GPM6B: variants seen among roughly 807,000 people sequenced by gnomAD.
GPM6B encodes neuronal membrane glycoprotein M6-b.
A neutral mutation model predicts 27.2 loss-of-function variants in GPM6B; 4 were observed. That is an observed-to-expected ratio of 0.15 (90% confidence interval 0.07 to 0.34). The LOEUF (loss-of-function observed/expected upper bound fraction) is 0.34. Among genes scored for constraint, GPM6B ranks in the 10% least tolerant of loss-of-function variants. The pLI, the probability that GPM6B is intolerant of heterozygous loss-of-function variation, is 1.00. For missense variants in GPM6B, 183 were observed against 261.9 expected (o/e 0.70, Z 2.08); for synonymous variants, 124 against 103.1 (o/e 1.20, Z -1.23).
chrX:13,837,897 CCT>C (rs1429926143), intron 1 of GPM6B, among the ~76,000 whole-genome samples: 1 of 110,538 alleles, frequency 9.0e-6, no homozygotes, highest in Non-Finnish European at 1.9e-5. Flanking sequence ...TAATAAACAT[CCT>C]CTCTCTCGTC....
chrX:13,819,890 T>TGGGTA (rs1454170179), upstream of GPM6B, among the ~76,000 whole-genome samples: 5 of 111,362 alleles, frequency 4.5e-5, no homozygotes, highest in East Asian at 8.5e-4. Flanking sequence ...AGAAACCTGC[T>TGGGTA]GGGTAGGGTA....
At chrX:13,807,018 A>C (rs1178207866) in intron 2 of GPM6B, among the ~76,000 whole-genome samples, 1 of 111,617 alleles carries the variant, frequency 9.0e-6, no homozygotes, top group African/African-American at 3.3e-5. Flanking sequence ...GCTGTCGCAC[A>C]CCTCACCCAG....
intron 1 of GPM6B, among the ~76,000 whole-genome samples, chrX:13,833,103 T>C (rs2049456406): frequency 1.8e-5 from 2 of 110,754 alleles, no homozygotes; most frequent in African/African-American, 3.3e-5. Context: ...CTTTGTGAGC[T>C]GTCTGACATT....
intron 1 of GPM6B, among the ~76,000 whole-genome samples, chrX:13,877,824 C>CCAAA (rs1555925604): frequency 3.6e-5 from 1 of 27,466 alleles, no homozygotes; most frequent in East Asian, 1.7e-3. Flanking sequence ...CAGACTCTGC[C>CCAAA]AAAAAAAAAA....
chrX:13,822,515 G>A (rs1247145668), intron 1 of GPM6B, among the ~76,000 whole-genome samples: 1 of 110,181 alleles, frequency 9.1e-6, no homozygotes, highest in Non-Finnish European at 1.9e-5. Flanking sequence ...ACAGGCGTGG[G>A]GCCACCACGC....
Position 13,771,243 on chromosome X carries a change from T to TAGAC in GPM6B, c.*1634_*1637dup, listed in dbSNP as rs2048291811. The TAGAC allele has an allele frequency of 1.8e-5, 2 of 112,017 alleles. No individual in the cohort carries two copies. The highest frequency in any genetic ancestry group is 6.5e-5 in the African/African-American group (2 of 30,772). The allele number at this position is 112,017 out of a possible 1,213,427, so 9.2% of individuals were successfully genotyped here. ...GAATTAGAAAAGTAAAATTAGGCTT[T>TAGAC]AGACACTGCCTCTTCTAGAACACTG... On this transcript the variant is annotated 3_prime_UTR_variant, in exon 8 of 8. Transcript: ENST00000316715.
chrX:13,910,146 C>A (rs1218233890), intron 1 of GPM6B, among the ~76,000 whole-genome samples: 1 of 112,364 alleles, frequency 8.9e-6, no homozygotes, highest in Non-Finnish European at 1.9e-5. Flanking sequence ...GTGGCTCCCC[C>A]TTAACCGGCA....
chrX:13,858,210 T>C (rs1428668594), intron 1 of GPM6B, among the ~76,000 whole-genome samples: 1 of 112,077 alleles, frequency 8.9e-6, no homozygotes, highest in Non-Finnish European at 1.9e-5. Flanking sequence ...CAGCATTGAA[T>C]ATTTGTGCCT....
chrX:13,878,525 A>G (rs1402885915), intron 1 of GPM6B, among the ~76,000 whole-genome samples: 1 of 112,016 alleles, frequency 8.9e-6, no homozygotes, highest in Non-Finnish European at 1.9e-5. Context: ...ATCTCCTGTA[A>G]TGCTCAAGGA....
At chrX:13,804,151 T>C (rs920798227) in intron 2 of GPM6B, among the ~76,000 whole-genome samples, 3 of 111,380 alleles carry the variant, frequency 2.7e-5, no homozygotes, top group Non-Finnish European at 5.7e-5. Flanking sequence ...GGGTGGGACC[T>C]GGGACTCTGC....
In GPM6B at chrX:13,868,736, G is replaced by A. The variant is rs141331276; in HGVS notation, c.-198+69591C>T. 4.7e-3 allele frequency among the ~76,000 whole-genome samples: 529 copies of A among 112,130 alleles called. 1 individual carries two copies. The highest frequency in any genetic ancestry group is 0.017 in the African/African-American group (511 of 30,897). On this transcript the variant is annotated intron_variant, in intron 1 of 6. Transcript: ENST00000398361. ...ACAAAGTTTGGCAATAGCATTCTTG[G>A]ACAACTAATATCTTTCCTTTCTCAC...
chrX:13,825,066 C>T (rs182624646), intron 1 of GPM6B, among the ~76,000 whole-genome samples: 1 of 111,809 alleles, frequency 8.9e-6, no homozygotes, highest in African/African-American at 3.3e-5. Context: ...TATAAGGACA[C>T]CAGTCACATT....
In GPM6B at chrX:13,877,742, C is replaced by T. The variant is rs377655046; in HGVS notation, c.-198+60585G>A. Among the ~76,000 whole-genome samples the T allele has an allele frequency of 5.6e-4, 54 of 96,810 alleles. No homozygotes were observed. The East Asian group carries it at 0.015, about 26-fold the overall frequency. The allele number at this position is 96,810 out of a possible 115,157, so 84.1% of individuals were successfully genotyped here. A position where few individuals can be genotyped will look rare whatever the true frequency, so the allele number is the denominator to read the frequency against. On this transcript the variant is annotated intron_variant, in intron 1 of 6. Coordinates refer to the GPM6B transcript ENST00000398361. The stretch of plus-strand genomic sequence containing the variant: ...TTGGGAGGCTGAGGTGGGAGGATCA[C>T]CTGAGCCTAGGGAGGTTGAGGCTGC...
intron 1 of GPM6B, among the ~76,000 whole-genome samples, chrX:13,855,965 G>A (rs142298477): frequency 0.012 from 1,363 of 111,147 alleles, 35 homozygotes; most frequent in African/African-American, 0.042. Context: ...ACAACTAGAT[G>A]GATCCCAGGG....
chrX:13,822,545 T>G (rs1406117842), intron 1 of GPM6B, among the ~76,000 whole-genome samples: 3 of 109,051 alleles, frequency 2.8e-5, no homozygotes, highest in Non-Finnish European at 5.7e-5. Context: ...TTTTTTTTTT[T>G]TTTGTATTTT....
chrX:13,810,683 A>C (rs1054460111), intron 1 of GPM6B, among the ~76,000 whole-genome samples: 14 of 108,743 alleles, frequency 1.3e-4, no homozygotes, highest in African/African-American at 4.7e-4. Flanking sequence ...GGACTGCTCA[A>C]TGTTAACGTG....
chrX:13,874,602 T>C (rs2050014482), intron 1 of GPM6B, among the ~76,000 whole-genome samples: 1 of 110,020 alleles, frequency 9.1e-6, no homozygotes, highest in Non-Finnish European at 1.9e-5. Flanking sequence ...CCCAGGTACT[T>C]GGGAAGCCAG....
At chrX:13,774,912 A>C (rs1373947831) in intron 7 of GPM6B, among the ~76,000 whole-genome samples, 1 of 112,167 alleles carries the variant, frequency 8.9e-6, no homozygotes, top group Non-Finnish European at 1.9e-5. Flanking sequence ...AGAAGGATGA[A>C]GCTAAATGCC....
At chrX:13,854,006 A>G (rs1323991037) in intron 1 of GPM6B, among the ~76,000 whole-genome samples, 1 of 111,917 alleles carries the variant, frequency 8.9e-6, no homozygotes, top group Non-Finnish European at 1.9e-5. Flanking sequence ...AGATTGGTCA[A>G]GTCAACCCTT....
Sources: allele counts gnomAD v4.1 joint callset (sites outside exome capture counted in the v4.1 genomes callset), GRCh38; gene constraint gnomAD v4.1.1; transcripts MANE v1.5; gene names NCBI Gene and HGNC (gene_info 2026-07-23, HGNC 2026-07-21).